PALS1: variants seen among roughly 807,000 people sequenced by gnomAD.
The protein encoded by PALS1 is protein associated with LIN7 1, MAGUK p55 family member.
Under a neutral mutation model 78.9 loss-of-function variants are expected in PALS1, and 31 were observed. That is an observed-to-expected ratio of 0.39 (90% CI 0.30 to 0.53). The LOEUF (loss-of-function observed/expected upper bound fraction) is 0.53, where lower values mean the gene tolerates loss of function less well. Ranked by LOEUF, PALS1 falls within the 20% of genes least tolerant of loss-of-function variation. PALS1 has a pLI of 0.67. For synonymous variants in PALS1, 276 were observed against 270.9 expected (o/e 1.02, Z -0.18); for missense variants, 704 against 826.5 (o/e 0.85, Z 1.82).
intron 3 of PALS1, among the ~76,000 whole-genome samples, chr14:67,280,797 T>TTCCC (rs1438662041): frequency 1.4e-5 from 1 of 73,776 alleles, no homozygotes. Flanking sequence ...AGCAGTTTCC[T>TTCCC]TCCTTCCTTC....
At position 67,250,571 on chromosome 14, in the gene PALS1, T is replaced by C. The variant is rs368449527; in HGVS notation, c.-237+9038T>C. The stretch of plus-strand genomic sequence containing the variant: ...GATTGTTTTGTGATTCTGATAGTCA[T>C]CTGGGCCCTTCCTCTGAAACACACA... On this transcript the variant is annotated intron_variant, in intron 1 of 14. Transcript: ENST00000261681. 7.2e-5 allele frequency among the ~76,000 whole-genome samples: 11 copies of C among 152,322 alleles called. No individual in the cohort carries two copies. The East Asian group carries it at 7.7e-4, about 11-fold the overall frequency.
intron 3 of PALS1, among the ~76,000 whole-genome samples, chr14:67,287,217 TCAAAAA>T (rs997185064): frequency 2.0e-5 from 3 of 151,428 alleles, no homozygotes; most frequent in Non-Finnish European, 4.4e-5. Context: ...AAACCCTATC[TCAAAAA>T]CAAAAACAAA....
chr14:67,306,372 T>C (rs2085004176), intron 8 of PALS1, among the ~76,000 whole-genome samples: 1 of 151,980 alleles, frequency 6.6e-6, no homozygotes, highest in Admixed American at 6.6e-5. Context: ...TGAGACAGAG[T>C]CTTGCTCTGT....
intron 1 of PALS1, among the ~76,000 whole-genome samples, chr14:67,266,366 C>T (rs984551491): frequency 2.6e-5 from 4 of 152,028 alleles, no homozygotes; most frequent in South Asian, 4.1e-4. Flanking sequence ...CACTCTGTTG[C>T]CCAGTCTGAA....
chr14:67,247,818 A>T (rs1245021204), intron 1 of PALS1, among the ~76,000 whole-genome samples: 1 of 152,090 alleles, frequency 6.6e-6, no homozygotes, highest in Non-Finnish European at 1.5e-5. Flanking sequence ...GGCTCAAGCG[A>T]TCTGCCCACC....
intron 3 of PALS1, among the ~76,000 whole-genome samples, chr14:67,282,624 T>G (rs1175916449): frequency 2.0e-5 from 3 of 152,262 alleles, no homozygotes; most frequent in Non-Finnish European, 2.9e-5. Context: ...AGTTAGAATT[T>G]TTTTGAAAGA....
At chr14:67,280,004 T>A (rs764039) in intron 3 of PALS1, 79,287 of 152,922 alleles carry the variant, frequency 0.52, 23,741 homozygotes, top group African/African-American at 0.83. Flanking sequence ...TATCATAAAC[T>A]TAAAATAATG....
intron 3 of PALS1, among the ~76,000 whole-genome samples, chr14:67,283,574 AT>A (rs1474053800): frequency 2.0e-5 from 3 of 152,206 alleles, no homozygotes; most frequent in African/African-American, 7.2e-5. Context: ...TTCCAAATAA[AT>A]GTTATTAGCC....
At chr14:67,266,248 T>C (rs2084321331) in intron 1 of PALS1, among the ~76,000 whole-genome samples, 1 of 152,210 alleles carries the variant, frequency 6.6e-6, no homozygotes, top group Non-Finnish European at 1.5e-5. Flanking sequence ...AGTTAGATCA[T>C]GGGGACTTTA....
At chr14:67,298,891 C>T (rs1249941645) in intron 4 of PALS1, among the ~76,000 whole-genome samples, 1 of 152,128 alleles carries the variant, frequency 6.6e-6, no homozygotes, top group Admixed American at 6.5e-5. Flanking sequence ...ACAAATTTGT[C>T]ATTTGTGGAC....
intron 13 of PALS1, among the ~76,000 whole-genome samples, chr14:67,322,491 C>G (rs1009095942): frequency 1.3e-5 from 2 of 152,092 alleles, no homozygotes; most frequent in African/African-American, 4.8e-5. Flanking sequence ...CTGCTCATGT[C>G]AAATTAGGCA....
At chr14:67,260,113 A>G (rs1349532089) in intron 1 of PALS1, among the ~76,000 whole-genome samples, 3 of 152,210 alleles carry the variant, frequency 2.0e-5, no homozygotes, top group Non-Finnish European at 4.4e-5. Flanking sequence ...GCATCTCTCT[A>G]ATAAGTGATA....
chr14:67,326,221 A>AATTTTTT (rs2085355882), intron 14 of PALS1, among the ~76,000 whole-genome samples: 1 of 12,894 alleles, frequency 7.8e-5, no homozygotes, highest in Non-Finnish European at 1.5e-4. Flanking sequence ...TTTAGGTCTG[A>AATTTTTT]TTTTTTTTTT....
Position 67,302,436 on chromosome 14 carries a change from C to T in PALS1, c.828C>T (p.Asp276=), listed in dbSNP as rs1333813457. Residue 276 remains aspartate (D), a synonymous_variant, in exon 7 of 15, where the codon GAC becomes GAT. Transcript: ENST00000261681. ...GTGCTACAGTTCGTAATGAAATGGA[C>T]TCTGTCATCATTAGCCGGATAGTAA... ...PLGATVRNEM[D]SVIISRIVKG... is the part of the protein sequence containing the mutation. The T allele has an allele frequency of 1.3e-6, 2 of 1,595,552 alleles. No homozygotes were observed. Among genetic ancestry groups the T allele is most frequent in the Middle Eastern group, 1.7e-4 (1 of 6,020 alleles).
At chr14:67,323,878 G>C (rs953093641) in intron 14 of PALS1, 66 bp downstream of exon 14, 2 of 807,394 alleles carry the variant, frequency 2.5e-6, no homozygotes, top group African/African-American at 3.7e-5. Context: ...GGTCTAATTT[G>C]TCCTGGTGCT....
intron 8 of PALS1, among the ~76,000 whole-genome samples, chr14:67,310,927 A>T (rs1309491311): frequency 6.6e-6 from 1 of 152,184 alleles, no homozygotes; most frequent in Non-Finnish European, 1.5e-5. Flanking sequence ...CAGTGTCTCA[A>T]GTGCTTAAAG....
intron 1 of PALS1, among the ~76,000 whole-genome samples, chr14:67,245,536 G>C (rs1220551639): frequency 6.6e-6 from 1 of 151,602 alleles, no homozygotes; most frequent in Non-Finnish European, 1.5e-5. Context: ...TTTTCTTTAG[G>C]GATGGGGTCT....
At chr14:67,283,776 A>G (rs1187747895) in intron 3 of PALS1, among the ~76,000 whole-genome samples, 1 of 152,226 alleles carries the variant, frequency 6.6e-6, no homozygotes, top group Admixed American at 6.5e-5. Context: ...TTTATTAAAT[A>G]CACATAATTC....
intron 2 of PALS1, among the ~76,000 whole-genome samples, chr14:67,272,254 C>T (rs116790361): frequency 2.0e-3 from 309 of 152,308 alleles, no homozygotes; most frequent in African/African-American, 7.0e-3. Context: ...CTATCTTCCA[C>T]TACTCTCTCG....
Sources: gnomAD v4.1 joint callset for allele counts (sites outside exome capture counted in the v4.1 genomes callset) on GRCh38, gnomAD v4.1.1 for gene constraint, MANE v1.5 for transcripts, NCBI Gene and HGNC (gene_info 2026-07-23, HGNC 2026-07-21) for gene names.